Variants in UNC13C observed in about 807,000 individuals in gnomAD.
UNC13C encodes the protein protein unc-13 homolog C.
In UNC13C, 174 loss-of-function variants were observed where a neutral mutation model predicts 245.4. The observed-to-expected ratio is 0.71, with a 90% confidence interval of 0.63 to 0.80. The LOEUF is 0.80. Ranked by LOEUF, UNC13C falls within the 30% of genes least tolerant of loss-of-function variation. UNC13C has a pLI of 0.00. For missense variants in UNC13C, 2,829 were observed against 2,602.9 expected (o/e 1.09, Z -1.89); for synonymous variants, 992 against 895.1 (o/e 1.11, Z -1.93).
chr15:54,286,161 G>T (rs567902260), intron 10 of UNC13C, among the ~76,000 whole-genome samples: 1 of 152,288 alleles, frequency 6.6e-6, no homozygotes, highest in Non-Finnish European at 1.5e-5. Flanking sequence ...GATTACAGGC[G>T]TGAGCCACTC....
At chr15:54,468,327 T>A (rs958804142) in intron 19 of UNC13C, among the ~76,000 whole-genome samples, 1 of 151,796 alleles carries the variant, frequency 6.6e-6, no homozygotes, top group Non-Finnish European at 1.5e-5. Context: ...TTGTTTGAGT[T>A]CATTGTATTA....
At chr15:53,971,757 C>T in the UNC13C span, among the ~76,000 whole-genome samples, 45 of 152,148 alleles carry the variant, frequency 3.0e-4, no homozygotes, top group South Asian at 5.0e-3. Flanking sequence ...TACTATGATC[C>T]TATCAGATAC....
the UNC13C span, among the ~76,000 whole-genome samples, chr15:53,864,235 T>C: frequency 6.6e-6 from 1 of 152,050 alleles, no homozygotes; most frequent in Non-Finnish European, 1.5e-5. Context: ...GAAAACTGAC[T>C]GAAAATATGT....
intron 1 of UNC13C, among the ~76,000 whole-genome samples, chr15:53,995,730 T>C (rs907686025): frequency 2.0e-5 from 3 of 152,078 alleles, no homozygotes; most frequent in Admixed American, 6.6e-5. Context: ...ATTTAAAGAA[T>C]GCCAAGTAGT....
chr15:54,374,248 C>T (rs1486625299), intron 17 of UNC13C, among the ~76,000 whole-genome samples: 2 of 152,286 alleles, frequency 1.3e-5, no homozygotes. Context: ...AGCCCAGCCC[C>T]CAGCTTCAGG....
At chr15:54,145,532 T>G (rs1401832880) in intron 4 of UNC13C, among the ~76,000 whole-genome samples, 1 of 152,208 alleles carries the variant, frequency 6.6e-6, no homozygotes, top group African/African-American at 2.4e-5. Context: ...TGGTGAAAGA[T>G]CATTATGAAT....
At chr15:53,980,161 C>T (rs947565299) in intron 1 of UNC13C, among the ~76,000 whole-genome samples, 11 of 152,112 alleles carry the variant, frequency 7.2e-5, no homozygotes, top group African/African-American at 2.4e-4. Flanking sequence ...TAAAGTAAAT[C>T]ACCACCCTGC....
At chr15:53,945,391 C>A in the UNC13C span, among the ~76,000 whole-genome samples, 1 of 151,994 alleles carries the variant, frequency 6.6e-6, no homozygotes, top group East Asian at 1.9e-4. Context: ...ATATTTAAGT[C>A]TTTAATTTAT....
At chr15:54,034,887 C>T (rs978054296) in intron 2 of UNC13C, among the ~76,000 whole-genome samples, 7 of 152,210 alleles carry the variant, frequency 4.6e-5, no homozygotes, top group South Asian at 2.1e-4. Context: ...GTAAGAGAAC[C>T]GACGTAGAAA....
chr15:53,872,224 T>A, the UNC13C span, among the ~76,000 whole-genome samples: 1 of 152,262 alleles, frequency 6.6e-6, no homozygotes, highest in Admixed American at 6.5e-5. Flanking sequence ...GTGGTGGTAA[T>A]AGCATTTTTG....
At position 54,525,038 on chromosome 15, in the gene UNC13C, T is replaced by G. The variant is rs143097541; in HGVS notation, c.5458-511T>G. On this transcript the variant is annotated intron_variant, in intron 24 of 32. Transcript: ENST00000260323. ...GCGTGCTTGGATACCTTGTCTATCC[T>G]ATTACTCTTAATTCCAAAGTTGGGG... 5.5e-3 allele frequency among the ~76,000 whole-genome samples: 845 copies of G among 152,314 alleles called. 28 individuals carry two copies. Among genetic ancestry groups the G allele is most frequent in the Admixed American group, 0.041 (623 of 15,298 alleles).
chr15:54,599,272 T>C (rs1370944645), intron 30 of UNC13C, among the ~76,000 whole-genome samples: 1 of 152,080 alleles, frequency 6.6e-6, no homozygotes, highest in Non-Finnish European at 1.5e-5. Flanking sequence ...GCTTCAAGAT[T>C]CCACGTTCAG....
intron 13 of UNC13C, among the ~76,000 whole-genome samples, chr15:54,313,661 A>G (rs1484105118): frequency 2.6e-5 from 4 of 151,842 alleles, no homozygotes; most frequent in Admixed American, 1.3e-4. Flanking sequence ...TTATTGGGGA[A>G]TAAGTCAAAC....
intron 26 of UNC13C, among the ~76,000 whole-genome samples, chr15:54,537,139 C>G (rs1037337126): frequency 6.6e-6 from 1 of 152,056 alleles, no homozygotes; most frequent in Non-Finnish European, 1.5e-5. Context: ...TTTCAGGATA[C>G]AAAATTAATA....
intron 30 of UNC13C, among the ~76,000 whole-genome samples, chr15:54,610,866 G>C (rs1208616584): frequency 6.6e-6 from 1 of 152,144 alleles, no homozygotes; most frequent in East Asian, 1.9e-4. Flanking sequence ...TCCAAAATTT[G>C]TGTTTCAATG....
the UNC13C span, among the ~76,000 whole-genome samples, chr15:53,918,446 G>C: frequency 6.6e-6 from 1 of 152,252 alleles, no homozygotes; most frequent in African/African-American, 2.4e-5. Context: ...AAAAATAGTA[G>C]TAATTTAACC....
chr15:53,925,637 C>A, the UNC13C span, among the ~76,000 whole-genome samples: 59 of 152,314 alleles, frequency 3.9e-4, no homozygotes, highest in East Asian at 2.7e-3. Flanking sequence ...ATTTTAAAGA[C>A]ATAGCTCTCC....
At chr15:54,210,568 G>A (rs75629990) in intron 4 of UNC13C, among the ~76,000 whole-genome samples, 54 of 151,972 alleles carry the variant, frequency 3.6e-4, no homozygotes, top group East Asian at 1.9e-3. Flanking sequence ...GCATTTATGC[G>A]TCATCACATG....
intron 19 of UNC13C, among the ~76,000 whole-genome samples, chr15:54,427,193 G>A (rs1477626788): frequency 6.6e-6 from 1 of 151,710 alleles, no homozygotes; most frequent in East Asian, 1.9e-4. Context: ...AACTCGAATT[G>A]TGTCTCCCAG....
Sources: allele counts gnomAD v4.1 joint callset (sites outside exome capture counted in the v4.1 genomes callset), GRCh38; gene constraint gnomAD v4.1.1; transcripts MANE v1.5; gene names NCBI Gene and HGNC (gene_info 2026-07-23, HGNC 2026-07-21).